LOC400499: variants seen among roughly 807,000 people sequenced by gnomAD.
chr16:11,449,654 T>G, the LOC400499 span, among the ~76,000 whole-genome samples: 2 of 152,204 alleles, frequency 1.3e-5, no homozygotes, highest in East Asian at 3.9e-4. Flanking sequence ...AAGACAGGGT[T>G]TGGGCGTGGC....
the LOC400499 span, chr16:11,471,817 A>T: frequency 2.5e-6 from 1 of 399,102 alleles, no homozygotes; most frequent in Non-Finnish European, 4.4e-6. Flanking sequence ...GGTGTAGGAC[A>T]CTGCAGAGAG....
At chr16:11,420,835 G>A in the LOC400499 span, among the ~76,000 whole-genome samples, 10 of 152,196 alleles carry the variant, frequency 6.6e-5, no homozygotes, top group South Asian at 1.5e-3. Context: ...TCATTTTAAC[G>A]CCCTCCCCGA....
At chr16:11,408,381 C>T in the LOC400499 span, among the ~76,000 whole-genome samples, 1 of 151,720 alleles carries the variant, frequency 6.6e-6, no homozygotes, top group Non-Finnish European at 1.5e-5. Flanking sequence ...AAGAAACAAT[C>T]GGACAAATCC....
chr16:11,446,100 C>A, the LOC400499 span, among the ~76,000 whole-genome samples: 1 of 151,916 alleles, frequency 6.6e-6, no homozygotes, highest in African/African-American at 2.4e-5. Flanking sequence ...GCTAGGATTA[C>A]AGGTATGAGC....
At chr16:11,399,092 A>G in the LOC400499 span, 1 of 462,816 alleles carries the variant, frequency 2.2e-6, no homozygotes, top group Non-Finnish European at 2.8e-6. Context: ...TCTGCAGAAC[A>G]GTGCTCGGCC....
At chr16:11,479,728 C>G in the LOC400499 span, among the ~76,000 whole-genome samples, 2 of 152,164 alleles carry the variant, frequency 1.3e-5, no homozygotes, top group Non-Finnish European at 2.9e-5. Flanking sequence ...CTTCCATCAC[C>G]AGGATGCATG....
the LOC400499 span, chr16:11,473,116 A>AAATAAAT: frequency 2.7e-5 from 4 of 148,200 alleles, no homozygotes; most frequent in African/African-American, 7.5e-5. Flanking sequence ...ACGCTATCTC[A>AAATAAAT]AAATAAATAA....
chr16:11,424,484 A>G, the LOC400499 span: 11 of 398,060 alleles, frequency 2.8e-5, no homozygotes, highest in East Asian at 2.8e-4. Flanking sequence ...TGAGCCCCAT[A>G]GCTCCAGGTC....
chr16:11,483,642 G>A, the LOC400499 span, among the ~76,000 whole-genome samples: 15 of 151,206 alleles, frequency 9.9e-5, no homozygotes, highest in African/African-American at 3.4e-4. Flanking sequence ...AAGGCAGGAG[G>A]ATTACTTGAG....
the LOC400499 span, among the ~76,000 whole-genome samples, chr16:11,391,171 C>T: frequency 6.6e-6 from 1 of 152,218 alleles, no homozygotes; most frequent in East Asian, 1.9e-4. Flanking sequence ...GGATGCCCAC[C>T]CTGGCGCTGG....
chr16:11,504,487 G>C, the LOC400499 span, among the ~76,000 whole-genome samples: 1 of 152,074 alleles, frequency 6.6e-6, no homozygotes, highest in Non-Finnish European at 1.5e-5. Context: ...CCAGGAGGTG[G>C]AGTTTGCAGT....
chr16:11,508,189 C>A, the LOC400499 span, among the ~76,000 whole-genome samples: 1 of 152,140 alleles, frequency 6.6e-6, no homozygotes, highest in African/African-American at 2.4e-5. Context: ...GGGTTCAGGG[C>A]CCTCTCTCAG....
the LOC400499 span, among the ~76,000 whole-genome samples, chr16:11,449,330 G>A: frequency 6.6e-6 from 1 of 152,140 alleles, no homozygotes; most frequent in Non-Finnish European, 1.5e-5. Flanking sequence ...CCAACCCTGA[G>A]CAGAAATAAT....
the LOC400499 span, chr16:11,391,700 C>G: frequency 7.3e-6 from 9 of 1,232,212 alleles, no homozygotes; most frequent in Non-Finnish European, 9.1e-6. Context: ...CCAGCCCCAC[C>G]TGCAGCCACT....
At chr16:11,475,808 C>T in the LOC400499 span, 1 of 393,674 alleles carries the variant, frequency 2.5e-6, no homozygotes, top group Non-Finnish European at 4.5e-6. Flanking sequence ...GGCACAGGGG[C>T]AAATTCTACC....
the LOC400499 span, among the ~76,000 whole-genome samples, chr16:11,519,767 G>A: frequency 8.6e-5 from 13 of 150,564 alleles, no homozygotes; most frequent in African/African-American, 2.2e-4. Flanking sequence ...GTGCAATGGC[G>A]CGATCTTGGC....
the LOC400499 span, among the ~76,000 whole-genome samples, chr16:11,443,182 G>C: frequency 6.6e-6 from 1 of 151,598 alleles, no homozygotes; most frequent in Admixed American, 6.6e-5. Context: ...AAATTAGCCG[G>C]GTGTGGTCAT....
the LOC400499 span, chr16:11,487,484 T>G: frequency 2.5e-6 from 1 of 397,030 alleles, no homozygotes; most frequent in Admixed American, 4.4e-5. Context: ...GCCAGATACA[T>G]GGTGTGTCTT....
the LOC400499 span, among the ~76,000 whole-genome samples, chr16:11,377,565 G>A: frequency 6.6e-6 from 1 of 152,212 alleles, no homozygotes. Context: ...AACTGAAATA[G>A]TCATGTGTTT....
Sources: gnomAD v4.1 joint callset for allele counts (sites outside exome capture counted in the v4.1 genomes callset) on GRCh38, gnomAD v4.1.1 for gene constraint, MANE v1.5 for transcripts.